SPATA6L: variants seen among roughly 807,000 people sequenced by gnomAD.
SPATA6L encodes the protein spermatogenesis associated 6-like protein.
In SPATA6L, 68 loss-of-function variants were observed where a neutral mutation model predicts 49.2. The observed-to-expected ratio is 1.38, with a 90% CI of 1.14 to 1.69. The LOEUF (loss-of-function observed/expected upper bound fraction) is 1.69, where lower values mean the gene tolerates loss of function less well. Ranked by LOEUF, SPATA6L falls within the 40% of genes most tolerant of loss-of-function variation. The pLI, the probability that SPATA6L is intolerant of heterozygous loss-of-function variation, is 0.00. For missense variants in SPATA6L, 668 were observed against 464.3 expected, an observed-to-expected ratio of 1.44 and a Z score of -4.03; for synonymous variants, 198 against 165.7, an observed-to-expected ratio of 1.19 and a Z score of -1.50.
intron 7 of SPATA6L, 121 bp from the exon 8 acceptor site, chr9:4,619,019 C>T: frequency 1.2e-6 from 1 of 831,304 alleles, no homozygotes; most frequent in South Asian, 1.7e-5. Context: ...TATTTAAAAA[C>T]TTAAATGCTC....
chr9:4,662,461 A>C lies in SPATA6L; in HGVS notation c.40-425T>G, dbSNP rs1840053236. 2 of 1,547,548 alleles carry C rather than the reference A, an allele frequency of 1.3e-6. No individual in the cohort carries two copies. The highest frequency in any genetic ancestry group is 1.7e-6 in the Non-Finnish European group (2 of 1,155,902). On this transcript the variant is annotated intron_variant, in intron 1 of 11. Transcript: ENST00000682582. This position sits in a 1 kb window ranked among gnomAD's most constrained non-coding sequence, Gnocchi z 4.9. ...AGCAGCAGCCCCGGCAGCCCAGCCC[A>C]TGGCGGCGGTGGCGGCGGCAGCAGG...
In SPATA6L at chr9:4,622,641, C is replaced by G. The variant is rs1829589620; in HGVS notation, c.670-131G>C. ...TGGAAAAAGAAGGCTGGAAAACCAC[C>G]TAGAGCACAGTCTGCAAGTTTGTTA... On this transcript the variant is annotated intron_variant, in intron 6 of 11. Coordinates refer to ENST00000682582, the MANE Select transcript of SPATA6L (RefSeq NM_001353486.2). 4 of 619,822 alleles carry G rather than the reference C, an allele frequency of 6.5e-6. No homozygotes were observed. In the East Asian group the frequency reaches 1.1e-4, roughly 17 times the overall value. 38.4% of individuals were successfully genotyped at this position (619,822 alleles called of 1,614,324 possible). A position where few individuals can be genotyped will look rare whatever the true frequency, so the allele number is the denominator to read the frequency against.
At chr9:4,607,736 C>T (rs1321647142) in intron 9 of SPATA6L, among the ~76,000 whole-genome samples, 2 of 152,140 alleles carry the variant, frequency 1.3e-5, no homozygotes, top group African/African-American at 4.8e-5. Context: ...ACTGCATCAA[C>T]TAACGAGCAA....
rs1345387529 is a variant in SPATA6L at position 4,625,569 on chromosome 9, G to T, written c.430-3C>A. On this transcript the variant is annotated splice_polypyrimidine_tract_variant and splice_region_variant and intron_variant, in intron 5 of 11. Transcript: ENST00000682582. ...CTCCGTGACTCATGTCTTTCTTCCT[G>T]AAATAAACAAAAAAAGAATATTTTT... is the stretch of plus-strand genomic sequence containing the variant. The T allele has an allele frequency of 1.4e-6, 2 of 1,477,962 alleles. No homozygotes were observed. Among genetic ancestry groups the T allele is most frequent in the African/African-American group, 2.9e-5 (2 of 69,648 alleles). 91.6% of individuals were successfully genotyped at this position (1,477,962 alleles called of 1,614,324 possible).
intron 3 of SPATA6L, among the ~76,000 whole-genome samples, chr9:4,640,033 A>G (rs1031717320): frequency 2.6e-5 from 4 of 152,364 alleles, no homozygotes; most frequent in African/African-American, 9.6e-5. Flanking sequence ...CATTGCTATG[A>G]AAGTATAAAA....
Position 4,625,498 on chromosome 9 carries a change from T to C in SPATA6L, c.498A>G (p.Ile166Met). The C allele has an allele frequency of 6.2e-7, 1 of 1,613,972 alleles. No homozygotes were observed. Among genetic ancestry groups the C allele is most frequent in the Non-Finnish European group, 8.5e-7 (1 of 1,179,908 alleles). ...SHEPIFPLNT[I>M]KMKLKENNLN... The stretch of plus-strand genomic sequence containing the variant: ...GATTATTCTCCTTTAGTTTCATCTT[T>C]ATAGTATTTAAGGGAAATATTGGTT... Residue 166 changes from isoleucine (I) to methionine (M), a missense_variant, in exon 6 of 12, where the codon ATA becomes ATG. Coordinates refer to ENST00000682582, the MANE Select transcript of SPATA6L (RefSeq NM_001353486.2).
chr9:4,649,118 C>T (rs1010096692), intron 3 of SPATA6L, among the ~76,000 whole-genome samples: 5 of 151,846 alleles, frequency 3.3e-5, no homozygotes, highest in African/African-American at 7.3e-5. Context: ...TATATCCACT[C>T]GTTGATTGAT....
chr9:4,616,863 G>T (rs1358573568), intron 9 of SPATA6L, among the ~76,000 whole-genome samples: 1 of 152,120 alleles, frequency 6.6e-6, no homozygotes, highest in Non-Finnish European at 1.5e-5. Context: ...GGGATTATAG[G>T]CATGAGCCAC....
At chr9:4,659,895 T>C (rs1438283199) in intron 2 of SPATA6L, among the ~76,000 whole-genome samples, 2 of 152,208 alleles carry the variant, frequency 1.3e-5, no homozygotes, top group African/African-American at 4.8e-5. Flanking sequence ...AACCATCTGA[T>C]ATTTGACAAA....
chr9:4,603,580 TCCA>T (rs1823913857), intron 11 of SPATA6L, among the ~76,000 whole-genome samples: 2 of 152,168 alleles, frequency 1.3e-5, no homozygotes, highest in African/African-American at 4.8e-5. Flanking sequence ...TAAATGTGAT[TCCA>T]TTGTATGGCA....
Position 4,662,851 on chromosome 9 carries a change from G to C in SPATA6L, c.40-815C>G, listed in dbSNP as rs201552034. The stretch of plus-strand genomic sequence containing the variant: ...CTCTACTGCCTGTGCAGGAGCGACA[G>C]CTGGGCCGGGCGCGAGGTGCTGATG... On this transcript the variant is annotated intron_variant, in intron 1 of 11. Coordinates refer to ENST00000682582, the MANE Select transcript of SPATA6L (RefSeq NM_001353486.2). The surrounding 1 kb of genome is among the most constrained non-coding windows in gnomAD (Gnocchi z 4.9). The C allele has an allele frequency of 6.2e-7, 1 of 1,605,228 alleles. No individual in the cohort carries two copies. Among genetic ancestry groups the C allele is most frequent in the Non-Finnish European group, 8.5e-7 (1 of 1,179,956 alleles).
At chr9:4,606,759 A>T (rs1166673446) in intron 9 of SPATA6L, among the ~76,000 whole-genome samples, 4 of 147,870 alleles carry the variant, frequency 2.7e-5, no homozygotes, top group Non-Finnish European at 4.5e-5. Flanking sequence ...AAAGGAATGC[A>T]GTTCCTCACC....
chr9:4,627,569 A>G (rs1424484208), intron 5 of SPATA6L: 1 of 392,168 alleles, frequency 2.5e-6, no homozygotes, highest in Non-Finnish European at 4.6e-6. Flanking sequence ...GAGAAGCTTC[A>G]CAAACTACCT....
chr9:4,646,114 T>C (rs1177660480), intron 3 of SPATA6L, among the ~76,000 whole-genome samples: 5 of 139,778 alleles, frequency 3.6e-5, no homozygotes, highest in Non-Finnish European at 6.2e-5. Flanking sequence ...TGAAAATGTC[T>C]TAGGGTTTTA....
At chr9:4,631,374 T>A (rs1432491450) in intron 4 of SPATA6L, among the ~76,000 whole-genome samples, 1 of 152,104 alleles carries the variant, frequency 6.6e-6, no homozygotes, top group Non-Finnish European at 1.5e-5. Flanking sequence ...TAATAGATAA[T>A]TGTGCAATCT....
chr9:4,591,043 C>A (rs529059549), intron 13 of SPATA6L, among the ~76,000 whole-genome samples: 1 of 152,258 alleles, frequency 6.6e-6, no homozygotes, highest in Admixed American at 6.5e-5. Context: ...TGTGAGGAGT[C>A]TGGAGATCTA....
downstream of SPATA6L, among the ~76,000 whole-genome samples, chr9:4,595,437 C>T (rs577309024): frequency 8.5e-4 from 130 of 152,328 alleles, 1 homozygote; most frequent in African/African-American, 3.0e-3. Flanking sequence ...CCCAAACCAT[C>T]CTGCACAAGA....
rs768532470 is a variant in SPATA6L at position 4,662,403 on chromosome 9, G to A, written c.40-367C>T. On this transcript the variant is annotated intron_variant, in intron 1 of 11. Coordinates refer to ENST00000682582, the MANE Select transcript of SPATA6L (RefSeq NM_001353486.2). The surrounding 1 kb of genome is among the most constrained non-coding windows in gnomAD (Gnocchi z 4.9). ...GCCAAGTCCCCGGAGGAGCATGGAG[G>A]GACGGCCGCTGGGCGTCTCCGCTTC... The A allele has an allele frequency of 6.5e-7, 1 of 1,535,480 alleles. No individual in the cohort carries two copies. Among genetic ancestry groups the A allele is most frequent in the African/African-American group, 1.4e-5 (1 of 72,890 alleles).
chr9:4,604,843 A>G (rs1249860640), intron 10 of SPATA6L, among the ~76,000 whole-genome samples: 1 of 152,226 alleles, frequency 6.6e-6, no homozygotes, highest in Non-Finnish European at 1.5e-5. Context: ...GTGACAAAGT[A>G]CTGGGAATAC....
Sources: gnomAD v4.1 joint callset for allele counts (sites outside exome capture counted in the v4.1 genomes callset) on GRCh38, gnomAD v4.1.1 for gene constraint, Gnocchi (gnomAD v3.1) non-coding constraint, MANE v1.5 for transcripts, NCBI Gene and HGNC (gene_info 2026-07-23, HGNC 2026-07-21) for gene names.